The following XPO5 variants were observed in gnomAD, a reference collection of about 807,000 sequenced individuals.
XPO5 encodes the protein exportin 5.
Under a neutral mutation model 160.6 loss-of-function variants are expected in XPO5, and 46 were observed. The observed-to-expected ratio is 0.29, with a 90% CI of 0.23 to 0.37. The LOEUF is 0.37. Ranked by LOEUF, XPO5 falls within the 10% of genes least tolerant of loss-of-function variation. The pLI is 1.00. For missense variants in XPO5, 1,090 were observed against 1,463.9 expected, an observed-to-expected ratio of 0.74 and a Z score of 4.17; for synonymous variants, 537 against 519.3, an observed-to-expected ratio of 1.03 and a Z score of -0.46.
At chr6:43,547,126 T>C (rs1304472269) in intron 19 of XPO5, among the ~76,000 whole-genome samples, 1 of 152,238 alleles carries the variant, frequency 6.6e-6, no homozygotes, top group African/African-American at 2.4e-5. Context: ...TGACAGCTAG[T>C]GTCCTAATCC....
chr6:43,573,720 T>TG, intron 1 of XPO5, 119 bp from the exon 2 acceptor site: 3 of 1,231,252 alleles, frequency 2.4e-6, no homozygotes, highest in Non-Finnish European at 2.2e-6. Context: ...GTCCCAGCAC[T>TG]CTGGGAGGCT....
At chr6:43,570,378 AT>A in intron 5 of XPO5, 123 bp downstream of exon 5, 3 of 636,036 alleles carry the variant, frequency 4.7e-6, no homozygotes, top group Non-Finnish European at 6.8e-6. Flanking sequence ...CTAGTTTTTT[AT>A]TTTTTTGCTT....
intron 29 of XPO5, 32 bp downstream of exon 29, chr6:43,525,075 G>T (rs1163531478): frequency 6.4e-7 from 1 of 1,570,024 alleles, no homozygotes; most frequent in East Asian, 2.3e-5. Flanking sequence ...AACCTTCCAT[G>T]AGGGGCAGGG....
rs767082759 is a variant in XPO5 at position 43,531,520 on chromosome 6, C to T, written c.2499G>A (p.Leu833=). 15 of 1,613,924 alleles carry T rather than the reference C, an allele frequency of 9.3e-6. No individual in the cohort carries two copies. The highest frequency in any genetic ancestry group is 1.3e-5 in the Non-Finnish European group (15 of 1,179,872). The change falls in exon 22 of 32, where the codon TTG becomes TTA. Residue 833 remains leucine (L), a synonymous_variant. Coordinates refer to ENST00000265351, the MANE Select transcript of XPO5 (RefSeq NM_020750.3). ...TAGAGAAGAAACGCTGCATTCTTTC[C>T]AAGACGGTTTTGAAGACAGGAGAGT... ...LNDSPVFKTV[L]ERMQRFFSTL... is the part of the protein sequence containing the mutation.
intron 6 of XPO5, among the ~76,000 whole-genome samples, chr6:43,567,701 C>A (rs749070549): frequency 6.6e-6 from 1 of 151,570 alleles, no homozygotes; most frequent in Non-Finnish European, 1.5e-5. Flanking sequence ...AAACAACAGC[C>A]TGGGCAACAT....
chr6:43,524,954 T>G lies in XPO5; in HGVS notation c.3189A>C (p.Thr1063=). The G allele has an allele frequency of 6.2e-7, 1 of 1,613,534 alleles. No individual in the cohort carries two copies. The highest frequency in any genetic ancestry group is 8.5e-7 in the Non-Finnish European group (1 of 1,179,810). The change falls in exon 30 of 32, where the codon ACA becomes ACC. Residue 1063 remains threonine (T), a synonymous_variant. Transcript: ENST00000265351. ...GCCACGTAACTGCATCTGCGAGCAG[T>G]GTCCCTGACAGCACCTGGGGAGACA... ...WPLLKQVLSG[T]LLADAVTWLF... is the part of the protein sequence containing the mutation.
Position 43,567,330 on chromosome 6 carries a change from C to A in XPO5, c.673G>T (p.Val225Phe). 6.2e-7 allele frequency: 1 copy of A among 1,609,584 alleles called. No individual in the cohort carries two copies. Among genetic ancestry groups the A allele is most frequent in the Non-Finnish European group, 8.5e-7 (1 of 1,178,418 alleles). The change falls in exon 7 of 32, where the codon GTT (valine) becomes TTT (phenylalanine). Residue 225 changes from valine (V) to phenylalanine (F), a missense_variant. By Grantham distance (50) the Val-to-Phe change is conservative. Transcript: ENST00000265351. Reference protein sequence around the residue: ...SKAQANCRVGVAALNTLAGYI... With the variant: ...SKAQANCRVGFAALNTLAGYI... ...CCTGCTAGAGTATTCAGTGCTGCAA[C>A]TCCTACTCGACAGTTTGCTTGCGCC...
chr6:43,547,517 G>GA (rs1266551154), intron 19 of XPO5, 91 bp downstream of exon 19: 3 of 1,247,124 alleles, frequency 2.4e-6, no homozygotes, highest in Non-Finnish European at 3.5e-6. Context: ...CACCAGTATA[G>GA]AAAAAACAAA....
At chr6:43,554,666 C>A (rs1761947075) in intron 13 of XPO5, among the ~76,000 whole-genome samples, 2 of 151,646 alleles carry the variant, frequency 1.3e-5, no homozygotes, top group Admixed American at 6.6e-5. Context: ...TCAGGTGATC[C>A]CCAGCCTCGG....
At position 43,523,198 on chromosome 6, in the gene XPO5, C is replaced by A; in HGVS notation, c.*670G>T. Reference sequence around the variant, plus strand: ...GTGTGAACTCTAAAGGGGATGTTAGCACTAAAGACTTCCCAGCCCTGGTCC... The same window carrying A: ...GTGTGAACTCTAAAGGGGATGTTAGAACTAAAGACTTCCCAGCCCTGGTCC... On this transcript the variant is annotated 3_prime_UTR_variant, in exon 32 of 32. Coordinates refer to ENST00000265351, the MANE Select transcript of XPO5 (RefSeq NM_020750.3). 5.8e-6 allele frequency: 1 copy of A among 171,516 alleles called. No individual in the cohort carries two copies. The highest frequency in any genetic ancestry group is 1.3e-5 in the Non-Finnish European group (1 of 78,124). 10.6% of individuals were successfully genotyped at this position (171,516 alleles called of 1,614,324 possible).
At chr6:43,566,607 G>A (rs913791536) in intron 7 of XPO5, 9 of 415,098 alleles carry the variant, frequency 2.2e-5, no homozygotes, top group African/African-American at 1.2e-4. Context: ...TCAGGAGTTC[G>A]AGAAGAGCCT....
At chr6:43,547,388 C>A (rs1399580571) in intron 19 of XPO5, 3 of 629,632 alleles carry the variant, frequency 4.8e-6, no homozygotes, top group Admixed American at 4.6e-5. Context: ...ATCCTTAAAG[C>A]CAAAATAATG....
intron 21 of XPO5, among the ~76,000 whole-genome samples, chr6:43,532,663 G>C (rs75829468): frequency 0.033 from 4,991 of 152,162 alleles, 266 homozygotes; most frequent in African/African-American, 0.11. Context: ...TAGCTAGTTC[G>C]TACTCATCCT....
intron 2 of XPO5, 149 bp from the exon 3 acceptor site, chr6:43,572,727 A>G: frequency 1.2e-6 from 1 of 865,162 alleles, no homozygotes; most frequent in Non-Finnish European, 1.8e-6. Context: ...AATGGGCAAA[A>G]ATGATCTACA....
intron 2 of XPO5, 106 bp downstream of exon 2, chr6:43,573,374 T>G: frequency 2.1e-6 from 3 of 1,426,872 alleles, no homozygotes; most frequent in Non-Finnish European, 2.8e-6. Context: ...CCTCTCTTCT[T>G]GGAGATTGCT....
chr6:43,523,984 G>T lies in XPO5; in HGVS notation c.3499C>A (p.Arg1167=), dbSNP rs1383469589. 1 of 1,613,366 alleles carries T rather than the reference G, an allele frequency of 6.2e-7. No individual in the cohort carries two copies. Among genetic ancestry groups the T allele is most frequent in the East Asian group, 2.2e-5 (1 of 44,892 alleles). Residue 1167 remains arginine, a synonymous_variant, in exon 32 of 32, where the codon CGA becomes AGA. Coordinates refer to ENST00000265351, the MANE Select transcript of XPO5 (RefSeq NM_020750.3). ...CIGKPLGEQF[R]KEVHIKNLPS... is the part of the protein sequence containing the mutation. ...AGATTCTTAATGTGAACTTCTTTTC[G>T]GAACTGCTCTCCCAAGGGTTTCTGT...
At chr6:43,526,157 G>A (rs944556343) in intron 27 of XPO5, 2 of 519,530 alleles carry the variant, frequency 3.8e-6, no homozygotes, top group Admixed American at 6.9e-5. Context: ...AACACAAAAT[G>A]CTGCAAATAC....
rs1264014752 is a variant in XPO5, at chr6:43,546,640, T to A, written c.2273A>T (p.Asn758Ile). ...TGTGCAGGGGTTACGGAAGATTGGATTTCCACTGGATGTATAACCCACCAC... is the reference window on the plus strand; with the variant it reads ...TGTGCAGGGGTTACGGAAGATTGGAATTCCACTGGATGTATAACCCACCAC... ...GFVVGYTSSG[N>I]PIFRNPCTEQ... The change falls in exon 20 of 32, where the codon AAT becomes ATT. Residue 758 changes from asparagine to isoleucine, a missense_variant. By Grantham distance (149) the Asn-to-Ile change is moderately radical. Around this residue, in one of 3 missense-constraint regions of XPO5, gnomAD observed 810 missense variants for 1,139.0 expected, o/e 0.71. Coordinates refer to ENST00000265351, the MANE Select transcript of XPO5 (RefSeq NM_020750.3). The A allele has an allele frequency of 6.2e-7, 1 of 1,613,920 alleles. No individual in the cohort carries two copies. Among genetic ancestry groups the A allele is most frequent in the Non-Finnish European group, 8.5e-7 (1 of 1,179,874 alleles).
intron 31 of XPO5, 119 bp downstream of exon 31, chr6:43,524,352 C>CAAAAAA: frequency 3.7e-6 from 4 of 1,069,122 alleles, no homozygotes; most frequent in Non-Finnish European, 5.0e-6. Context: ...AACCCCATCT[C>CAAAAAA]AAAAAAAAAA....
Sources: gnomAD v4.1 joint callset for allele counts (sites outside exome capture counted in the v4.1 genomes callset) on GRCh38, gnomAD v4.1.1 for gene constraint, gnomAD v4.1.1 regional missense constraint, MANE v1.5 for transcripts, NCBI Gene and HGNC (gene_info 2026-07-23, HGNC 2026-07-21) for gene names.